Variants in PCDHA8 observed in about 807,000 individuals in gnomAD.
PCDHA8 encodes protocadherin alpha 8.
Under a neutral mutation model 61.8 loss-of-function variants are expected in PCDHA8, and 53 were observed. The observed-to-expected ratio is 0.86, with a 90% confidence interval of 0.69 to 1.08. The LOEUF (loss-of-function observed/expected upper bound fraction) is 1.08. PCDHA8 is among the 50% of genes least tolerant of loss of function. The pLI is 0.00. For missense variants in PCDHA8, 1,293 were observed against 1,245.0 expected, an observed-to-expected ratio of 1.04 and a Z score of -0.58; for synonymous variants, 618 against 556.6, an observed-to-expected ratio of 1.11 and a Z score of -1.55.
chr5:140,891,040 C>A (rs2062916193), intron 1 of PCDHA8, among the ~76,000 whole-genome samples: 1 of 145,080 alleles, frequency 6.9e-6, no homozygotes, highest in Admixed American at 6.6e-5. Context: ...TTAGGTGTGA[C>A]CCCCACAGCA....
At chr5:141,009,301 T>C (rs942481990) in intron 3 of PCDHA8, among the ~76,000 whole-genome samples, 1 of 152,122 alleles carries the variant, frequency 6.6e-6, no homozygotes, top group Admixed American at 6.5e-5. Flanking sequence ...TAAAATTTTT[T>C]TTAAAAAGCT....
At chr5:140,857,683 C>A in intron 1 of PCDHA8, 1 of 1,597,084 alleles carries the variant, frequency 6.3e-7, no homozygotes, top group East Asian at 2.2e-5. Context: ...CGCCTCTGGG[C>A]AGCAACTTGA....
intron 1 of PCDHA8, chr5:140,850,770 T>A: frequency 6.3e-7 from 1 of 1,598,038 alleles, no homozygotes; most frequent in Non-Finnish European, 8.6e-7. Context: ...GCAGAGGGTG[T>A]GCTCTGGCGA....
chr5:140,915,513 A>T (rs2077156707), intron 1 of PCDHA8, among the ~76,000 whole-genome samples: 2 of 152,124 alleles, frequency 1.3e-5, no homozygotes, highest in African/African-American at 2.4e-5. Context: ...GTTTTTGCAG[A>T]CTAGTAGAGG....
intron 3 of PCDHA8, 119 bp from the exon 4 acceptor site, chr5:141,009,508 C>T (rs923907688): frequency 6.7e-7 from 1 of 1,496,530 alleles, no homozygotes; most frequent in African/African-American, 1.4e-5. Flanking sequence ...GAACAAACAA[C>T]TCGTGATTTT....
intron 1 of PCDHA8, among the ~76,000 whole-genome samples, chr5:140,944,182 G>T (rs542395513): frequency 1.3e-5 from 2 of 152,052 alleles, no homozygotes; most frequent in South Asian, 2.1e-4. Flanking sequence ...TTTTTTGTTG[G>T]TTTGTTTTGT....
At chr5:141,003,536 C>T (rs1409675219) in intron 3 of PCDHA8, among the ~76,000 whole-genome samples, 1 of 152,152 alleles carries the variant, frequency 6.6e-6, no homozygotes, top group Non-Finnish European at 1.5e-5. Context: ...TGGTCTTGAA[C>T]TCCTGGCTTC....
At chr5:140,912,010 G>A (rs1208180595) in intron 1 of PCDHA8, among the ~76,000 whole-genome samples, 1 of 152,202 alleles carries the variant, frequency 6.6e-6, no homozygotes. Flanking sequence ...CCATCTGCAA[G>A]CTGAGGAGCA....
intron 1 of PCDHA8, chr5:140,875,686 G>C (rs17844351): frequency 0.022 from 35,932 of 1,613,570 alleles, 480 homozygotes; most frequent in East Asian, 0.061. Flanking sequence ...CAAAAGACAC[G>C]GGGACCTTCT....
At chr5:140,964,378 T>A (rs182628269) in intron 1 of PCDHA8, among the ~76,000 whole-genome samples, 1 of 151,270 alleles carries the variant, frequency 6.6e-6, no homozygotes, top group Non-Finnish European at 1.5e-5. Context: ...GAAAGGAGAG[T>A]CCTGGTTTTT....
intron 1 of PCDHA8, chr5:140,969,129 C>T: frequency 6.2e-7 from 1 of 1,614,144 alleles, no homozygotes; most frequent in Non-Finnish European, 8.5e-7. Context: ...GGCTCCCTCA[C>T]CAAGACCTAC....
Position 140,849,731 on chromosome 5 carries a change from T to C in PCDHA8, c.2394+6016T>C, listed in dbSNP as rs2150447251. 21,072 of 1,598,236 alleles carry C rather than the reference T, an allele frequency of 0.013. 2,656 individuals are homozygous for C. In the African/African-American group the frequency reaches 0.2, roughly 15 times the overall value. ...ACTACTCGTTGGTGCTGGACAGAGC[T>C]CTGGACCGCGAGAGTGTGTCCGCCT... is the stretch of plus-strand genomic sequence containing the variant. On this transcript the variant is annotated intron_variant, in intron 1 of 3. Transcript: ENST00000531613.
intron 3 of PCDHA8, among the ~76,000 whole-genome samples, chr5:140,989,470 C>T (rs1365588787): frequency 6.6e-6 from 1 of 152,148 alleles, no homozygotes; most frequent in African/African-American, 2.4e-5. Context: ...TGGAACTCCT[C>T]CTGGGAGGTG....
chr5:140,920,716 C>T (rs1456008356), intron 1 of PCDHA8, among the ~76,000 whole-genome samples: 3 of 151,916 alleles, frequency 2.0e-5, no homozygotes, highest in South Asian at 2.1e-4. Flanking sequence ...TGGTGGTGTG[C>T]GCCTGCAGTC....
At chr5:140,851,027 C>T (rs782593711) in intron 1 of PCDHA8, 2 of 1,410,074 alleles carry the variant, frequency 1.4e-6, no homozygotes, top group South Asian at 1.8e-5. Context: ...TAAAGTAAAC[C>T]CCTTAACATT....
chr5:140,884,504 GGGAGTT>G, intron 1 of PCDHA8: 1 of 1,614,180 alleles, frequency 6.2e-7, no homozygotes, highest in Non-Finnish European at 8.5e-7. Context: ...CAGCGCGGCA[GGGAGTT>G]GGTCGTACTC....
At chr5:140,992,019 G>C (rs1326705755) in intron 3 of PCDHA8, among the ~76,000 whole-genome samples, 2 of 50,642 alleles carry the variant, frequency 3.9e-5, no homozygotes, top group African/African-American at 6.0e-5. Context: ...AGGTGGCTCT[G>C]TGTGTGTGTG....
intron 2 of PCDHA8, among the ~76,000 whole-genome samples, chr5:140,979,807 A>G (rs376087021): frequency 1.3e-4 from 20 of 152,376 alleles, no homozygotes; most frequent in African/African-American, 4.1e-4. Flanking sequence ...CACAACTATC[A>G]AAAGGATTTA....
chr5:140,956,408 C>T (rs1192859348), intron 1 of PCDHA8, among the ~76,000 whole-genome samples: 1 of 152,122 alleles, frequency 6.6e-6, no homozygotes, highest in Non-Finnish European at 1.5e-5. Context: ...TTGAGATAAT[C>T]ATGTGGGTTT....
Sources: allele counts gnomAD v4.1 joint callset (sites outside exome capture counted in the v4.1 genomes callset), GRCh38; gene constraint gnomAD v4.1.1; transcripts MANE v1.5; gene names NCBI Gene and HGNC (gene_info 2026-07-23, HGNC 2026-07-21).